Variants in RNF213 observed in about 807,000 individuals in gnomAD.
RNF213 encodes the protein E3 ubiquitin-protein ligase RNF213.
Under a neutral mutation model 514.4 loss-of-function variants are expected in RNF213, and 341 were observed. The ratio of observed to expected loss-of-function variants is 0.66; its 90% CI spans 0.61 to 0.73. The LOEUF is 0.73. Among genes scored for constraint, RNF213 ranks in the 30% least tolerant of loss-of-function variants. RNF213 has a pLI of 0.00. For missense variants in RNF213, 5,767 were observed against 6,615.6 expected, an observed-to-expected ratio of 0.87 and a Z score of 4.45; for synonymous variants, 2,655 against 2,658.2, an observed-to-expected ratio of 1.00 and a Z score of 0.04.
At chr17:80,305,267 C>T (rs2045318037) in intron 11 of RNF213, among the ~76,000 whole-genome samples, 1 of 151,446 alleles carries the variant, frequency 6.6e-6, no homozygotes, top group African/African-American at 2.4e-5. Context: ...CAACCTCTGC[C>T]TCCTGGGTTC....
At chr17:80,298,694 G>A in intron 11 of RNF213, 176 bp downstream of exon 11, 1 of 713,156 alleles carries the variant, frequency 1.4e-6, no homozygotes, top group Admixed American at 2.2e-5. Flanking sequence ...GCTGTGCACA[G>A]TGGCTCACGC....
chr17:80,313,433 TGGTG>T (rs2045638145), intron 15 of RNF213, among the ~76,000 whole-genome samples: 1 of 11,384 alleles, frequency 8.8e-5, no homozygotes, highest in Admixed American at 8.4e-4. Context: ...GTGGAGGTGA[TGGTG>T]ATGGTTGGTG....
In RNF213 at chr17:80,377,390, A is replaced by C. The variant is rs2144563745; in HGVS notation, c.13511-372A>C. Among the ~76,000 whole-genome samples, 1 of 152,220 alleles carries C rather than the reference A, an allele frequency of 6.6e-6. No individual in the cohort carries two copies. Among genetic ancestry groups the C allele is most frequent in the Non-Finnish European group, 1.5e-5 (1 of 68,010 alleles). On this transcript the variant is annotated intron_variant, in intron 53 of 67. Transcript: ENST00000582970. This position sits in a 1 kb window ranked among gnomAD's most constrained non-coding sequence, Gnocchi z 4.1. ...TGTAAATTTTGCTGTTGCCTGAGTA[A>C]ATATTTTAAAACTAGTTTTTAAAGT...
chr17:80,371,921 A>T lies in RNF213; in HGVS notation c.12473A>T (p.Lys4158Ile), dbSNP rs1555676661. The T allele has an allele frequency of 6.3e-6, 10 of 1,595,830 alleles. No homozygotes were observed. Among genetic ancestry groups the T allele is most frequent in the Non-Finnish European group, 8.6e-6 (10 of 1,163,442 alleles). The part of the protein sequence containing the change: ...DYIQEYLTLL[K>I]KKAFITEDKT... ...ATTCAGGAATATTTGACCCTGTTAA[A>T]AAAGAAAGCATTCATAACTGAAGAT... Residue 4158 changes from lysine to isoleucine, a missense_variant, in exon 47 of 68, where the codon AAA (lysine) becomes ATA (isoleucine). This residue lies in a region of RNF213 where 1,245 missense variants were observed against 1,339.0 expected (regional missense o/e 0.93). Coordinates refer to ENST00000582970, the MANE Select transcript of RNF213 (RefSeq NM_001256071.3).
At position 80,325,031 on chromosome 17, in the gene RNF213, C is replaced by A. The variant is rs1212539331; in HGVS notation, c.3026C>A (p.Ser1009Tyr). Residue 1009 changes from serine to tyrosine, a missense_variant and splice_region_variant, in exon 18 of 68, where the codon TCT (serine) becomes TAT (tyrosine). By Grantham distance (144) the Ser-to-Tyr change is moderately radical. Coordinates refer to ENST00000582970, the MANE Select transcript of RNF213 (RefSeq NM_001256071.3). ...IIEAVSSACQ[S>Y]QTSILQGFSY... The stretch of plus-strand genomic sequence containing the variant: ...CCTCTTTTATTAATTTTCTTGTAGT[C>A]TCAGACCAGTATCCTTCAGGGGTTC... 6 of 1,536,858 alleles carry A rather than the reference C, an allele frequency of 3.9e-6. No homozygotes were observed. In the African/African-American group the frequency reaches 8.2e-5, roughly 21 times the overall value.
In RNF213 at chr17:80,273,412, C is replaced by G; in HGVS notation, c.261+8C>G. ...TCCTGGACCGTCCAAGAAGTGAGTG[C>G]ACTGCCTCGGCTCCCCTCCGCCCCC... On this transcript the variant is annotated splice_region_variant and intron_variant, in intron 3 of 67. Transcript: ENST00000582970. The G allele has an allele frequency of 6.2e-7, 1 of 1,611,890 alleles. No homozygotes were observed. The highest frequency in any genetic ancestry group is 8.5e-7 in the Non-Finnish European group (1 of 1,179,806).
intron 3 of RNF213, among the ~76,000 whole-genome samples, chr17:80,283,274 G>T (rs551124511): frequency 6.6e-6 from 1 of 152,264 alleles, no homozygotes; most frequent in Admixed American, 6.5e-5. Flanking sequence ...CCAGGTGGCA[G>T]TTCACACGGG....
At chr17:80,382,933 G>A (rs1233044581) in intron 57 of RNF213, 46 bp from the exon 58 acceptor site, 2 of 1,212,558 alleles carry the variant, frequency 1.6e-6, no homozygotes, top group East Asian at 2.3e-5. Flanking sequence ...AGACTGCTGT[G>A]TTCTTTGTGC....
chr17:80,371,616 C>CG, intron 46 of RNF213: 1 of 325,086 alleles, frequency 3.1e-6, no homozygotes, highest in Non-Finnish European at 5.7e-6. Flanking sequence ...AAAAGCTCTT[C>CG]GGGGTTCTCA....
chr17:80,315,698 TAGAGGTAA>T (rs2045894891), intron 15 of RNF213: 1 of 149,724 alleles, frequency 6.7e-6, no homozygotes, highest in African/African-American at 2.6e-5. Flanking sequence ...AAGGTGATGG[TAGAGGTAA>T]TGGAAGTGAT....
chr17:80,375,880 C>A lies in RNF213; in HGVS notation c.13185+10C>A. On this transcript the variant is annotated intron_variant, in intron 51 of 67. Coordinates refer to ENST00000582970, the MANE Select transcript of RNF213 (RefSeq NM_001256071.3). Reference sequence around the variant, plus strand: ...CCACCCCACGCCAGAGGTGAGTAACCGCCTGCAGGGCTGTGTTCAAAGTCT... The same window carrying A: ...CCACCCCACGCCAGAGGTGAGTAACAGCCTGCAGGGCTGTGTTCAAAGTCT... 6.5e-7 allele frequency: 1 copy of A among 1,545,012 alleles called. No individual in the cohort carries two copies. The highest frequency in any genetic ancestry group is 9.0e-7 in the Non-Finnish European group (1 of 1,117,052).
At chr17:80,270,301 A>G (rs1049558405) in intron 2 of RNF213, among the ~76,000 whole-genome samples, 1 of 152,238 alleles carries the variant, frequency 6.6e-6, no homozygotes, top group Non-Finnish European at 1.5e-5. Context: ...TTGCCGTGAC[A>G]TAGGCTGCTA....
chr17:80,383,500 A>G (rs1296850377), intron 58 of RNF213, among the ~76,000 whole-genome samples, 177 bp from the exon 59 acceptor site: 1 of 152,066 alleles, frequency 6.6e-6, no homozygotes, highest in East Asian at 1.9e-4. Flanking sequence ...GGAGACATAC[A>G]TCTATAAACA....
intron 3 of RNF213, 134 bp downstream of exon 3, chr17:80,273,538 A>G (rs1030745928): frequency 8.9e-5 from 100 of 1,123,630 alleles, no homozygotes; most frequent in Non-Finnish European, 1.2e-4. Context: ...GGGCAGCAGC[A>G]GAGCTGCCCC....
chr17:80,335,190 AG>A (rs879710357), intron 22 of RNF213, among the ~76,000 whole-genome samples: 8 of 152,190 alleles, frequency 5.3e-5, no homozygotes, highest in Non-Finnish European at 1.2e-4. Context: ...CCCAAAGTGC[AG>A]GCGTGAGCAA....
intron 22 of RNF213, 111 bp downstream of exon 22, chr17:80,334,381 T>A: frequency 8.4e-7 from 1 of 1,190,192 alleles, no homozygotes; most frequent in Non-Finnish European, 1.1e-6. Context: ...AAGGACTACG[T>A]AAAGGGCAGA....
intron 15 of RNF213, among the ~76,000 whole-genome samples, chr17:80,314,344 T>A (rs549693319): frequency 5.3e-5 from 1 of 18,746 alleles, no homozygotes; most frequent in East Asian, 1.6e-3. Flanking sequence ...GTGGTGGTGG[T>A]GGTGGAGGTA....
At chr17:80,312,816 A>G (rs1237194287) in intron 14 of RNF213, among the ~76,000 whole-genome samples, 196 bp from the exon 15 acceptor site, 3 of 152,158 alleles carry the variant, frequency 2.0e-5, no homozygotes, top group South Asian at 2.1e-4. Flanking sequence ...TCCCACGTTC[A>G]GGGTGAACCC....
In RNF213 at chr17:80,388,648, T is replaced by C. The variant is rs751346398; in HGVS notation, c.14959T>C (p.Tyr4987His). ...PTLVYRHDWNYEHLFMDIKNK... is the reference protein window; with the variant it reads ...PTLVYRHDWNHEHLFMDIKNK... ...TCTGGTGTACAGACACGACTGGAACTATGAACATCTCTTTATGGACATCAA... is the reference window on the plus strand; with the variant it reads ...TCTGGTGTACAGACACGACTGGAACCATGAACATCTCTTTATGGACATCAA... The change falls in exon 64 of 68, where the codon TAT becomes CAT. Residue 4987 changes from tyrosine to histidine, a missense_variant. By Grantham distance (83) the Tyr-to-His change is moderately conservative. Around this residue, in one of 13 missense-constraint regions of RNF213, gnomAD observed 1,245 missense variants for 1,339.0 expected, o/e 0.93. Transcript: ENST00000582970. 9 of 1,613,170 alleles carry C rather than the reference T, an allele frequency of 5.6e-6. No homozygotes were observed. Among genetic ancestry groups the C allele is most frequent in the East Asian group, 2.2e-5 (1 of 44,890 alleles).
Sources: allele counts gnomAD v4.1 joint callset (sites outside exome capture counted in the v4.1 genomes callset), GRCh38; gene constraint gnomAD v4.1.1; regional missense constraint gnomAD v4.1.1; non-coding constraint Gnocchi (gnomAD v3.1); transcripts MANE v1.5; gene names NCBI Gene and HGNC (gene_info 2026-07-23, HGNC 2026-07-21).